The following C1S variants were observed in gnomAD, a reference collection of about 807,000 sequenced individuals.
C1S encodes the protein complement C1s subcomponent.
A neutral mutation model predicts 54.0 loss-of-function variants in C1S; 31 were observed. The observed-to-expected ratio is 0.57, with a 90% CI of 0.43 to 0.78. The LOEUF (loss-of-function observed/expected upper bound fraction) is 0.78, where lower values mean the gene tolerates loss of function less well. Among genes scored for constraint, C1S ranks in the 30% least tolerant of loss-of-function variants. C1S has a pLI of 0.00. For synonymous variants in C1S, 292 were observed against 303.6 expected (o/e 0.96, Z 0.40); for missense variants, 727 against 851.8 (o/e 0.85, Z 1.82).
intron 2 of C1S, chr12:7,062,260 G>A (rs1312244503): frequency 1.7e-5 from 9 of 532,584 alleles, no homozygotes; most frequent in African/African-American, 7.4e-5. Flanking sequence ...GACAGAGTGA[G>A]AACCTGTCTC....
Position 7,070,259 on chromosome 12 carries a change from C to A in C1S, c.1675C>A (p.Leu559Ile), listed in dbSNP as rs1555163012. The change falls in exon 12 of 12, where the codon CTC becomes ATC. Residue 559 changes from leucine (L) to isoleucine (I), a missense_variant. Physicochemically the swap from Leu to Ile is conservative, Grantham distance 5. This residue lies in a region of C1S where 360 missense variants were observed against 453.6 expected (regional missense o/e 0.79). Coordinates refer to ENST00000360817, the MANE Select transcript of C1S (RefSeq NM_001734.5). The surrounding 1 kb of genome is among the most constrained non-coding windows in gnomAD (Gnocchi z 4.9). Reference sequence around the variant, plus strand: ...ACCAGGCACCTCTTCCGACTACAACCTCATGGATGGGGACCTGGGACTGAT... The same window carrying A: ...ACCAGGCACCTCTTCCGACTACAACATCATGGATGGGGACCTGGGACTGAT... ...CLPGTSSDYNLMDGDLGLISG... is the reference protein window; with the variant it reads ...CLPGTSSDYNIMDGDLGLISG... 6.2e-7 allele frequency: 1 copy of A among 1,614,208 alleles called. No individual in the cohort carries two copies. The highest frequency in any genetic ancestry group is 2.2e-5 in the East Asian group (1 of 44,882).
chr12:7,064,048 C>CACACACACA (rs782603417), intron 4 of C1S: 50 of 566,246 alleles, frequency 8.8e-5, no homozygotes, highest in Non-Finnish European at 1.5e-4. Flanking sequence ...ACACACACAC[C>CACACACACA]CCCGAGCTTC....
At position 7,067,774 on chromosome 12, in the gene C1S, A is replaced by G; in HGVS notation, c.1195+3A>G. 6.2e-7 allele frequency: 1 copy of G among 1,613,776 alleles called. No homozygotes were observed. Among genetic ancestry groups the G allele is most frequent in the Non-Finnish European group, 8.5e-7 (1 of 1,179,668 alleles). On this transcript the variant is annotated splice_donor_region_variant and intron_variant, in intron 10 of 11. Coordinates refer to ENST00000360817, the MANE Select transcript of C1S (RefSeq NM_001734.5). ...CTACATGGAAAATGGAGGAGGTGGTAGGTTTCTTCTACTGGAGAAGAGAGA... is the reference window on the plus strand; with the variant it reads ...CTACATGGAAAATGGAGGAGGTGGTGGGTTTCTTCTACTGGAGAAGAGAGA...
chr12:7,062,974 C>T lies in C1S; in HGVS notation c.298C>T (p.Gln100Ter). The T allele has an allele frequency of 6.2e-7, 1 of 1,613,982 alleles. No individual in the cohort carries two copies. Among genetic ancestry groups the T allele is most frequent in the Non-Finnish European group, 8.5e-7 (1 of 1,179,902 alleles). The change falls in exon 4 of 12, where the codon CAA (glutamine) becomes TAA (stop). Residue 100 changes from glutamine to a stop codon, truncating the protein, a stop_gained. Coordinates refer to ENST00000360817, the MANE Select transcript of C1S (RefSeq NM_001734.5). LOFTEE classifies it high-confidence loss of function. Reference sequence around the variant, plus strand: ...CCACTCTCCAATTGTGGAAGAGTTCCAAGTCCCATACAACAAACTCCAGGT... The same window carrying T: ...CCACTCTCCAATTGTGGAAGAGTTCTAAGTCCCATACAACAAACTCCAGGT... ...NPHSPIVEEF[Q>*]VPYNKLQVIF... is the part of the protein sequence containing the mutation.
chr12:7,061,518 G>A, intron 1 of C1S: 1 of 358,200 alleles, frequency 2.8e-6, no homozygotes, highest in Non-Finnish European at 5.4e-6. Flanking sequence ...GCAGGAGAGA[G>A]ACTGATACCG....
At position 7,064,035 on chromosome 12, in the gene C1S, T is replaced by TACACACACACAC. The variant is rs374863140; in HGVS notation, c.392-231_392-220dup. ...GGTGACAGAGTGAGGCTATGTCACT[T>TACACACACACAC]ACACACACACACCCCCGAGCTTCCT... On this transcript the variant is annotated intron_variant, in intron 4 of 11. Transcript: ENST00000360817. 1,880 of 571,124 alleles carry TACACACACACAC rather than the reference T, an allele frequency of 3.3e-3. 9 individuals carry two copies. Among genetic ancestry groups the TACACACACACAC allele is most frequent in the East Asian group, 0.031 (758 of 24,790 alleles). 35.4% of individuals were successfully genotyped at this position (571,124 alleles called of 1,614,324 possible). A position where few individuals can be genotyped will look rare whatever the true frequency, so the allele number is the denominator to read the frequency against.
At chr12:7,067,620 G>C in intron 9 of C1S, 23 bp from the exon 10 acceptor site, 1 of 1,613,154 alleles carries the variant, frequency 6.2e-7, no homozygotes, top group Non-Finnish European at 8.5e-7. Flanking sequence ...CCTGACCATC[G>C]CTCTCCTTCC....
intron 4 of C1S, 62 bp downstream of exon 4, chr12:7,063,129 C>A: frequency 7.0e-7 from 1 of 1,437,328 alleles, no homozygotes. Context: ...AATGAGAAAT[C>A]CACTGAGCAA....
rs1937672718 is a variant in C1S at position 7,066,637 on chromosome 12, A to C, written c.987+4A>C. 2 of 1,546,532 alleles carry C rather than the reference A, an allele frequency of 1.3e-6. No individual in the cohort carries two copies. Among genetic ancestry groups the C allele is most frequent in the Non-Finnish European group, 1.8e-6 (2 of 1,118,200 alleles). On this transcript the variant is annotated splice_donor_region_variant and intron_variant, in intron 8 of 11. Transcript: ENST00000360817. ...GGATGGGTTTGAAGTTGTGGAGGTAAAGTACCACCTTGGCTTCTCCCCAGT... is the reference window on the plus strand; with the variant it reads ...GGATGGGTTTGAAGTTGTGGAGGTACAGTACCACCTTGGCTTCTCCCCAGT...
In C1S at chr12:7,070,205, A is replaced by G; in HGVS notation, c.1621A>G (p.Met541Val). 1 of 1,614,184 alleles carries G rather than the reference A, an allele frequency of 6.2e-7. No homozygotes were observed. Among genetic ancestry groups the G allele is most frequent in the Non-Finnish European group, 8.5e-7 (1 of 1,180,020 alleles). Residue 541 changes from methionine to valine, a missense_variant, in exon 12 of 12, where the codon ATG (methionine) becomes GTG (valine). Coordinates refer to ENST00000360817, the MANE Select transcript of C1S (RefSeq NM_001734.5). This position sits in a 1 kb window ranked among gnomAD's most constrained non-coding sequence, Gnocchi z 4.9. ...GGTGCGGCTGAAAGACCCAGTGAAA[A>G]TGGGACCCACCGTCTCTCCCATCTG... ...ALVRLKDPVK[M>V]GPTVSPICLP...
chr12:7,066,858 A>G (rs1025819470), intron 8 of C1S, 181 bp from the exon 9 acceptor site: 8 of 708,668 alleles, frequency 1.1e-5, no homozygotes, highest in Non-Finnish European at 2.1e-5. Flanking sequence ...GGGAGTTGAC[A>G]CGTTGGGGCA....
At chr12:7,064,483 T>C in intron 5 of C1S, 91 bp downstream of exon 5, 1 of 1,376,996 alleles carries the variant, frequency 7.3e-7, no homozygotes, top group Non-Finnish European at 1.0e-6. Context: ...CCAACTTCGA[T>C]TAGGCCAAGC....
At chr12:7,062,377 C>G (rs1410584401) in intron 2 of C1S, 98 bp from the exon 3 acceptor site, 1 of 891,624 alleles carries the variant, frequency 1.1e-6, no homozygotes, top group Non-Finnish European at 1.9e-6. Context: ...TTGACTGCCT[C>G]TCTTCTTCCC....
At chr12:7,061,014 A>G (rs1183879179) in intron 1 of C1S, 137 bp downstream of exon 1, 3 of 152,170 alleles carry the variant, frequency 2.0e-5, no homozygotes, top group African/African-American at 7.2e-5. Context: ...TAGACAACCT[A>G]TTTCTCTTAG....
At chr12:7,068,854 A>T in intron 11 of C1S, 1 of 373,106 alleles carries the variant, frequency 2.7e-6, no homozygotes. Flanking sequence ...AACACTCAGA[A>T]ACAAGTCTAG....
chr12:7,062,420 T>A, intron 2 of C1S, 55 bp from the exon 3 acceptor site: 2 of 1,328,612 alleles, frequency 1.5e-6, no homozygotes, highest in Non-Finnish European at 2.2e-6. Context: ...TAGCGCGTTC[T>A]GTCCTAGGCT....
intron 10 of C1S, 179 bp downstream of exon 10, chr12:7,067,950 G>T: frequency 1.4e-6 from 1 of 703,468 alleles, no homozygotes; most frequent in Non-Finnish European, 2.5e-6. Flanking sequence ...AAGTTCAGGG[G>T]AGCATCAGCC....
In C1S at chr12:7,061,933, T is replaced by C; in HGVS notation, c.5+16T>C. ...CAGAGATGTGGTAAGTGATCAAGGGTCCCTGAGATGACACAGACTCCATTC... is the reference window on the plus strand; with the variant it reads ...CAGAGATGTGGTAAGTGATCAAGGGCCCCTGAGATGACACAGACTCCATTC... On this transcript the variant is annotated intron_variant, in intron 2 of 11. Coordinates refer to ENST00000360817, the MANE Select transcript of C1S (RefSeq NM_001734.5). 6.2e-7 allele frequency: 1 copy of C among 1,612,962 alleles called. No homozygotes were observed. The highest frequency in any genetic ancestry group is 8.5e-7 in the Non-Finnish European group (1 of 1,179,416).
At chr12:7,065,702 A>G in intron 6 of C1S, 115 bp from the exon 7 acceptor site, 1 of 915,908 alleles carries the variant, frequency 1.1e-6, no homozygotes, top group Non-Finnish European at 1.8e-6. Flanking sequence ...CCTGACCCTT[A>G]TTTTCTTCTT....
Sources: allele counts gnomAD v4.1 joint callset, GRCh38; gene constraint gnomAD v4.1.1; regional missense constraint gnomAD v4.1.1; non-coding constraint Gnocchi (gnomAD v3.1); transcripts MANE v1.5; gene names NCBI Gene and HGNC (gene_info 2026-07-23, HGNC 2026-07-21).